The following CCDC85A variants were observed in gnomAD, a reference collection of about 807,000 sequenced individuals.
CCDC85A encodes the protein coiled-coil domain containing 85A, also known as coiled-coil domain-containing protein 85A.
A neutral mutation model predicts 50.2 loss-of-function variants in CCDC85A; 38 were observed. The observed-to-expected ratio is 0.76, with a 90% confidence interval of 0.58 to 0.99. The LOEUF is 0.99. Ranked by LOEUF, CCDC85A falls within the 50% of genes least tolerant of loss-of-function variation. The pLI is 0.00. For missense variants in CCDC85A, 820 were observed against 742.0 expected, an observed-to-expected ratio of 1.11 and a Z score of -1.22; for synonymous variants, 366 against 301.4, an observed-to-expected ratio of 1.21 and a Z score of -2.22.
chr2:56,280,782 C>G (rs1373508611), intron 2 of CCDC85A, among the ~76,000 whole-genome samples: 1 of 152,154 alleles, frequency 6.6e-6, no homozygotes, highest in Non-Finnish European at 1.5e-5. Flanking sequence ...CATTCTCTCT[C>G]TCTCCCTCAC....
intron 2 of CCDC85A, among the ~76,000 whole-genome samples, chr2:56,248,945 G>A (rs1669630014): frequency 6.6e-6 from 1 of 152,218 alleles, no homozygotes. Flanking sequence ...GAGCATATCA[G>A]GGAAGTGCCT....
intron 2 of CCDC85A, among the ~76,000 whole-genome samples, chr2:56,295,579 G>C (rs1213188252): frequency 1.3e-5 from 2 of 152,120 alleles, no homozygotes; most frequent in Non-Finnish European, 2.9e-5. Context: ...AATAGGTGTG[G>C]GGTGTGCGTG....
rs75829664 is a variant in CCDC85A at position 56,269,719 on chromosome 2, G to C, written c.1241-73160G>C. 2.9e-4 allele frequency among the ~76,000 whole-genome samples: 44 copies of C among 152,052 alleles called. 1 individual carries two copies. The highest frequency in any genetic ancestry group is 6.3e-4 in the Non-Finnish European group (43 of 67,990). Reference sequence around the variant, plus strand: ...TGGTGCTGTCTTAATTCTCCCATTAGCACCATCATCCCCCTCACTACAAAA... The same window carrying C: ...TGGTGCTGTCTTAATTCTCCCATTACCACCATCATCCCCCTCACTACAAAA... On this transcript the variant is annotated intron_variant, in intron 2 of 5. Transcript: ENST00000407595.
intron 2 of CCDC85A, among the ~76,000 whole-genome samples, chr2:56,239,765 G>C (rs1031472607): frequency 2.0e-5 from 3 of 152,158 alleles, no homozygotes; most frequent in Non-Finnish European, 1.5e-5. Flanking sequence ...ATATTTTCCA[G>C]ATCCTTCCAG....
intron 2 of CCDC85A, among the ~76,000 whole-genome samples, chr2:56,287,773 A>G (rs1185792363): frequency 6.6e-6 from 1 of 151,878 alleles, no homozygotes; most frequent in Admixed American, 6.6e-5. Context: ...TCCTCTTTTC[A>G]CAGTTTGCCT....
intron 2 of CCDC85A, among the ~76,000 whole-genome samples, chr2:56,267,786 C>G (rs1001723209): frequency 1.3e-5 from 2 of 152,130 alleles, no homozygotes; most frequent in Non-Finnish European, 2.9e-5. Context: ...ATTACACTTA[C>G]AATAAAAACT....
intron 4 of CCDC85A, among the ~76,000 whole-genome samples, chr2:56,372,844 G>A (rs958275720): frequency 6.6e-6 from 1 of 152,176 alleles, no homozygotes; most frequent in Non-Finnish European, 1.5e-5. Flanking sequence ...GAGAGGTGAT[G>A]CATGCACTGT....
At chr2:56,230,894 G>A (rs1045995198) in intron 2 of CCDC85A, among the ~76,000 whole-genome samples, 23 of 152,136 alleles carry the variant, frequency 1.5e-4, no homozygotes, top group Admixed American at 1.5e-3. Context: ...ATTATTTCAG[G>A]TTCAGAGTCT....
chr2:56,296,243 G>A (rs1671942392), intron 2 of CCDC85A, among the ~76,000 whole-genome samples: 1 of 152,050 alleles, frequency 6.6e-6, no homozygotes, highest in African/African-American at 2.4e-5. Context: ...TATTTTAACA[G>A]CACCTGTGGT....
At chr2:56,272,752 C>G (rs1670751630) in intron 2 of CCDC85A, among the ~76,000 whole-genome samples, 1 of 152,128 alleles carries the variant, frequency 6.6e-6, no homozygotes, top group South Asian at 2.1e-4. Flanking sequence ...ATATGAGAGT[C>G]TCAATAAAAG....
chr2:56,372,250 T>G, intron 3 of CCDC85A, 94 bp from the exon 4 acceptor site: 1 of 1,284,706 alleles, frequency 7.8e-7, no homozygotes, highest in Non-Finnish European at 1.0e-6. Context: ...GTCATTGTGG[T>G]TCATCTCATT....
intron 2 of CCDC85A, among the ~76,000 whole-genome samples, chr2:56,338,052 G>C (rs1315253955): frequency 6.6e-6 from 1 of 152,062 alleles, no homozygotes; most frequent in East Asian, 1.9e-4. Context: ...CAAAGTGCTG[G>C]GATTACAGGC....
chr2:56,199,834 T>TA (rs1341897506), intron 2 of CCDC85A, among the ~76,000 whole-genome samples: 1 of 152,202 alleles, frequency 6.6e-6, no homozygotes, highest in African/African-American at 2.4e-5. Flanking sequence ...CCATATGCCA[T>TA]AAGTATTTTA....
At chr2:56,305,315 A>G (rs1672394018) in intron 2 of CCDC85A, among the ~76,000 whole-genome samples, 1 of 152,330 alleles carries the variant, frequency 6.6e-6, no homozygotes, top group Non-Finnish European at 1.5e-5. Context: ...TCTTCCAACA[A>G]GCATGTGAGG....
At chr2:56,275,911 T>C (rs950673325) in intron 2 of CCDC85A, among the ~76,000 whole-genome samples, 2 of 152,172 alleles carry the variant, frequency 1.3e-5, no homozygotes, top group Admixed American at 1.3e-4. Context: ...GTTTTGGTAT[T>C]TTTGTAGGTC....
chr2:56,292,532 T>C (rs531250966), intron 2 of CCDC85A, among the ~76,000 whole-genome samples: 8 of 152,294 alleles, frequency 5.3e-5, no homozygotes, highest in Admixed American at 3.9e-4. Flanking sequence ...AAGAGGAGAA[T>C]GATGTGATTA....
At chr2:56,228,961 T>C (rs924889262) in intron 2 of CCDC85A, among the ~76,000 whole-genome samples, 6 of 152,190 alleles carry the variant, frequency 3.9e-5, no homozygotes, top group Non-Finnish European at 4.4e-5. Flanking sequence ...AGCCTTCTCA[T>C]TAAGGTTTTC....
chr2:56,309,121 C>A (rs1292600600), intron 2 of CCDC85A, among the ~76,000 whole-genome samples: 1 of 152,094 alleles, frequency 6.6e-6, no homozygotes, highest in Non-Finnish European at 1.5e-5. Context: ...GGAACATGGG[C>A]ATTATTTCTA....
chr2:56,300,397 C>T (rs1672146866), intron 2 of CCDC85A, among the ~76,000 whole-genome samples: 1 of 152,118 alleles, frequency 6.6e-6, no homozygotes, highest in Non-Finnish European at 1.5e-5. Context: ...CAATTTAATG[C>T]TGATTTGTTG....
Sources: gnomAD v4.1 joint callset for allele counts (sites outside exome capture counted in the v4.1 genomes callset) on GRCh38, gnomAD v4.1.1 for gene constraint, MANE v1.5 for transcripts, NCBI Gene and HGNC (gene_info 2026-07-23, HGNC 2026-07-21) for gene names.